EXOC6B: variants seen among roughly 807,000 people sequenced by gnomAD.
EXOC6B encodes SEC15 homolog B.
In EXOC6B, 54 loss-of-function variants were observed where a neutral mutation model predicts 113.5. The observed-to-expected ratio is 0.48, with a 90% confidence interval of 0.38 to 0.60. The LOEUF (loss-of-function observed/expected upper bound fraction) is 0.60, where lower values mean the gene tolerates loss of function less well. Among genes scored for constraint, EXOC6B ranks in the 20% least tolerant of loss-of-function variants. The pLI is 0.00. For missense variants in EXOC6B, 797 were observed against 977.5 expected, an observed-to-expected ratio of 0.82 and a Z score of 2.46; for synonymous variants, 357 against 339.0, an observed-to-expected ratio of 1.05 and a Z score of -0.58.
intron 19 of EXOC6B, among the ~76,000 whole-genome samples, chr2:72,335,762 T>C (rs1688658757): frequency 6.6e-6 from 1 of 152,142 alleles, no homozygotes; most frequent in South Asian, 2.1e-4. Context: ...TCTACTTCCA[T>C]TCCACTCTCA....
intron 7 of EXOC6B, among the ~76,000 whole-genome samples, chr2:72,561,590 G>T (rs1022970316): frequency 6.6e-5 from 10 of 152,038 alleles, no homozygotes; most frequent in Non-Finnish European, 8.8e-5. Flanking sequence ...CATCCTTGTA[G>T]AATGAACATC....
At chr2:72,379,232 T>C (rs1205067599) in intron 19 of EXOC6B, among the ~76,000 whole-genome samples, 7 of 152,266 alleles carry the variant, frequency 4.6e-5, no homozygotes, top group Middle Eastern at 3.4e-3. Flanking sequence ...CTGACTGCCT[T>C]TGAGAAAAAT....
At chr2:72,710,485 A>T (rs1333079824) in intron 6 of EXOC6B, among the ~76,000 whole-genome samples, 1 of 152,208 alleles carries the variant, frequency 6.6e-6, no homozygotes, top group Non-Finnish European at 1.5e-5. Context: ...CAAAAGAGTA[A>T]GAAGCAAAAA....
intron 6 of EXOC6B, among the ~76,000 whole-genome samples, chr2:72,667,833 T>C (rs528329749): frequency 6.6e-6 from 1 of 152,130 alleles, no homozygotes; most frequent in Non-Finnish European, 1.5e-5. Context: ...TATGGCTAAG[T>C]CCTCAAAAGC....
intron 18 of EXOC6B, among the ~76,000 whole-genome samples, chr2:72,393,133 T>C (rs915187171): frequency 1.3e-5 from 2 of 151,828 alleles, no homozygotes; most frequent in African/African-American, 4.8e-5. Flanking sequence ...TCTCACTCTG[T>C]AACCAGGCTG....
At chr2:72,614,079 A>G (rs951822477) in intron 6 of EXOC6B, among the ~76,000 whole-genome samples, 2 of 152,194 alleles carry the variant, frequency 1.3e-5, no homozygotes, top group Non-Finnish European at 2.9e-5. Flanking sequence ...GTAAAGTCTA[A>G]AACATTCTCT....
At chr2:72,532,680 CG>C in intron 8 of EXOC6B, among the ~76,000 whole-genome samples, 1 of 152,026 alleles carries the variant, frequency 6.6e-6, no homozygotes, top group South Asian at 2.1e-4. Context: ...TGGTGGCGCG[CG>C]CCTGTAATCA....
At chr2:72,476,989 GTCCTAAAGGTGGAACCTCA>G (rs1698790070) in intron 17 of EXOC6B, among the ~76,000 whole-genome samples, 1 of 152,080 alleles carries the variant, frequency 6.6e-6, no homozygotes, top group South Asian at 2.1e-4. Context: ...TTCTTTGGCG[GTCCTAAAGGTGGAACCTCA>G]TCCTCTTGGG....
intron 13 of EXOC6B, among the ~76,000 whole-genome samples, chr2:72,497,102 T>C (rs1700076956): frequency 6.6e-6 from 1 of 151,580 alleles, no homozygotes. Context: ...GCCTCCCAAG[T>C]AGCTGAAACT....
intron 8 of EXOC6B, among the ~76,000 whole-genome samples, chr2:72,550,856 GTC>G (rs1703170949): frequency 1.3e-5 from 2 of 151,142 alleles, no homozygotes; most frequent in South Asian, 4.2e-4. Context: ...CCAATACTGT[GTC>G]TAACCATTAG....
chr2:72,375,509 A>C (rs993156012), intron 19 of EXOC6B, among the ~76,000 whole-genome samples: 2 of 152,204 alleles, frequency 1.3e-5, no homozygotes, highest in African/African-American at 4.8e-5. Flanking sequence ...AGAAGTATTA[A>C]TGTATCTAAA....
At chr2:72,811,548 G>A (rs1451088583) in intron 1 of EXOC6B, among the ~76,000 whole-genome samples, 2 of 152,102 alleles carry the variant, frequency 1.3e-5, no homozygotes, top group African/African-American at 2.4e-5. Context: ...GGAGTGAGGC[G>A]CTACTTCTCA....
At chr2:72,439,749 T>A (rs1338003851) in intron 18 of EXOC6B, among the ~76,000 whole-genome samples, 1 of 152,220 alleles carries the variant, frequency 6.6e-6, no homozygotes, top group Non-Finnish European at 1.5e-5. Context: ...TCAGCCCAGT[T>A]CTGAACCCTT....
intron 18 of EXOC6B, among the ~76,000 whole-genome samples, chr2:72,396,518 A>T (rs1245388389): frequency 6.6e-6 from 1 of 152,198 alleles, no homozygotes; most frequent in East Asian, 1.9e-4. Context: ...CAATGCTAAA[A>T]TAAAGATTAA....
At chr2:72,397,351 T>G (rs1692791105) in intron 18 of EXOC6B, among the ~76,000 whole-genome samples, 2 of 152,078 alleles carry the variant, frequency 1.3e-5, no homozygotes, top group South Asian at 4.1e-4. Context: ...CTGGGTGCAG[T>G]GGCTCACGCC....
intron 7 of EXOC6B, among the ~76,000 whole-genome samples, chr2:72,570,664 T>C (rs1704460905): frequency 1.3e-5 from 2 of 152,212 alleles, no homozygotes; most frequent in South Asian, 2.1e-4. Flanking sequence ...ATATGTGACA[T>C]GTCATAAATG....
intron 1 of EXOC6B, among the ~76,000 whole-genome samples, chr2:72,812,801 T>TA (rs1685995044): frequency 6.6e-6 from 1 of 152,046 alleles, no homozygotes; most frequent in Non-Finnish European, 1.5e-5. Context: ...AGATTAAAGA[T>TA]AAAGAAGAAT....
intron 20 of EXOC6B, among the ~76,000 whole-genome samples, chr2:72,316,825 G>C (rs1344779575): frequency 6.6e-6 from 1 of 152,120 alleles, no homozygotes; most frequent in Admixed American, 6.6e-5. Flanking sequence ...CCCAAAGGGG[G>C]GACAATTAAA....
chr2:72,784,658 T>G (rs1206097080), intron 1 of EXOC6B, among the ~76,000 whole-genome samples: 1 of 152,078 alleles, frequency 6.6e-6, no homozygotes, highest in Non-Finnish European at 1.5e-5. Flanking sequence ...TTCACTATCA[T>G]GAGAATAGCA....
Sources: allele counts gnomAD v4.1 joint callset (sites outside exome capture counted in the v4.1 genomes callset), GRCh38; gene constraint gnomAD v4.1.1; transcripts MANE v1.5; gene names NCBI Gene and HGNC (gene_info 2026-07-23, HGNC 2026-07-21).